Variants in NEGR1 observed in about 807,000 individuals in gnomAD.
NEGR1 encodes the protein neuronal growth regulator 1, also known as IgLON family member 4.
Under a neutral mutation model 40.9 loss-of-function variants are expected in NEGR1, and 10 were observed. The observed-to-expected ratio is 0.24, with a 90% CI of 0.15 to 0.42. The LOEUF (loss-of-function observed/expected upper bound fraction) is 0.42, where lower values mean the gene tolerates loss of function less well. NEGR1 is among the 10% of genes least tolerant of loss of function. The pLI, the probability that NEGR1 is intolerant of heterozygous loss-of-function variation, is 1.00. For synonymous variants in NEGR1, 185 were observed against 166.8 expected (o/e 1.11, Z -0.84); for missense variants, 352 against 438.9 (o/e 0.80, Z 1.77).
intron 1 of NEGR1, among the ~76,000 whole-genome samples, chr1:72,032,832 A>G: frequency 6.6e-6 from 1 of 152,244 alleles, no homozygotes; most frequent in African/African-American, 2.4e-5. Flanking sequence ...CAATTTAGTT[A>G]AATACTTTGA....
In NEGR1 at chr1:71,688,403, T is replaced by TATAA. The variant is rs1557613864; in HGVS notation, c.667+9604_667+9605insTTAT. Among the ~76,000 whole-genome samples the TATAA allele has an allele frequency of 2.4e-3, 71 of 30,118 alleles. 10 individuals carry two copies. The highest frequency in any genetic ancestry group is 7.8e-3 in the Admixed American group (12 of 1,546). 19.8% of individuals were successfully genotyped at this position (30,118 alleles called of 152,430 possible). On this transcript the variant is annotated intron_variant, in intron 4 of 6. Coordinates refer to ENST00000357731, the MANE Select transcript of NEGR1 (RefSeq NM_173808.3). ...ATAAAAGATATATAAAATATATATA[T>TATAA]AAGATATATATAAAAGATATATATA...
At chr1:71,699,508 T>C (rs530137280) in intron 3 of NEGR1, among the ~76,000 whole-genome samples, 1 of 152,032 alleles carries the variant, frequency 6.6e-6, no homozygotes, top group South Asian at 2.1e-4. Flanking sequence ...ATAACGAAGA[T>C]ACTCTAGGCT....
At chr1:71,418,549 T>G (rs1242317559) in intron 6 of NEGR1, among the ~76,000 whole-genome samples, 1 of 152,112 alleles carries the variant, frequency 6.6e-6, no homozygotes, top group Non-Finnish European at 1.5e-5. Context: ...GCCTTTTAGC[T>G]CCTTGGGTTT....
At chr1:71,422,093 A>T (rs1335142890) in intron 6 of NEGR1, among the ~76,000 whole-genome samples, 1 of 152,192 alleles carries the variant, frequency 6.6e-6, no homozygotes, top group Admixed American at 6.5e-5. Flanking sequence ...AAGTTTAAGC[A>T]TTGTGGCAGC....
chr1:71,816,948 T>C (rs944399033), intron 2 of NEGR1, among the ~76,000 whole-genome samples: 23 of 5,076 alleles, frequency 4.5e-3, no homozygotes, highest in African/African-American at 0.022. Flanking sequence ...TATCTCTTAC[T>C]AGAAAAAAAA....
At chr1:71,437,644 T>C (rs1360407306) in intron 6 of NEGR1, among the ~76,000 whole-genome samples, 3 of 152,196 alleles carry the variant, frequency 2.0e-5, no homozygotes, top group African/African-American at 7.2e-5. Flanking sequence ...TCTATGTATT[T>C]ATATTCTTTA....
chr1:71,734,344 A>G (rs1416895831), intron 3 of NEGR1, among the ~76,000 whole-genome samples: 3 of 152,176 alleles, frequency 2.0e-5, no homozygotes, highest in Non-Finnish European at 4.4e-5. Flanking sequence ...ACTCTTAAGC[A>G]AGCTTCAGTC....
chr1:71,409,061 C>A (rs189012153), intron 6 of NEGR1: 1 of 151,782 alleles, frequency 6.6e-6, no homozygotes, highest in African/African-American at 2.4e-5. Flanking sequence ...AAACAAAGAG[C>A]AAAATTAACT....
chr1:71,869,813 G>A (rs986431122), intron 2 of NEGR1, among the ~76,000 whole-genome samples: 15 of 151,412 alleles, frequency 9.9e-5, no homozygotes, highest in African/African-American at 3.4e-4. Context: ...GATGATCTGT[G>A]ATATTTAACA....
intron 1 of NEGR1, among the ~76,000 whole-genome samples, chr1:72,200,172 T>C (rs1173452484): frequency 6.6e-6 from 1 of 151,978 alleles, no homozygotes; most frequent in East Asian, 1.9e-4. Context: ...CTATTGGGTA[T>C]TTATGCAAAG....
intron 4 of NEGR1, among the ~76,000 whole-genome samples, chr1:71,654,138 T>C (rs2101584777): frequency 6.6e-6 from 1 of 152,250 alleles, no homozygotes; most frequent in Non-Finnish European, 1.5e-5. Flanking sequence ...TAAGAACTTC[T>C]GGAAAAGGAT....
chr1:71,979,954 A>C (rs1323854670), intron 1 of NEGR1, among the ~76,000 whole-genome samples: 2 of 152,186 alleles, frequency 1.3e-5, no homozygotes, highest in African/African-American at 2.4e-5. Flanking sequence ...AAAACATTAT[A>C]GTGATAGTGA....
intron 6 of NEGR1, among the ~76,000 whole-genome samples, chr1:71,513,623 A>G (rs1041075139): frequency 7.2e-5 from 11 of 152,186 alleles, no homozygotes; most frequent in Non-Finnish European, 1.0e-4. Flanking sequence ...CCTATTAGGT[A>G]TATGTTTTCA....
At chr1:71,621,630 G>T (rs1650611682) in intron 4 of NEGR1, among the ~76,000 whole-genome samples, 1 of 151,680 alleles carries the variant, frequency 6.6e-6, no homozygotes, top group Non-Finnish European at 1.5e-5. Context: ...AAAATTTTCG[G>T]AGCGCAGAGA....
chr1:71,705,121 A>G (rs1570237113), intron 3 of NEGR1, among the ~76,000 whole-genome samples: 1 of 152,272 alleles, frequency 6.6e-6, no homozygotes, highest in Non-Finnish European at 1.5e-5. Flanking sequence ...TCTGCCAAAG[A>G]CTTCTATGAA....
chr1:71,823,097 T>C (rs937225921), intron 2 of NEGR1, among the ~76,000 whole-genome samples: 1 of 151,912 alleles, frequency 6.6e-6, no homozygotes, highest in African/African-American at 2.4e-5. Flanking sequence ...TATGTAAACA[T>C]GGAAGCTGCC....
At position 71,499,371 on chromosome 1, in the gene NEGR1, A is replaced by G. The variant is rs547867570; in HGVS notation, c.941-91801T>C. Among the ~76,000 whole-genome samples, 4 of 151,090 alleles carry G rather than the reference A, an allele frequency of 2.6e-5. No homozygotes were observed. In the East Asian group the frequency reaches 7.8e-4, roughly 29 times the overall value. ...AGTGCAGAGAAGGCAAAGATGTACC[A>G]TGTGTTCTGCTATTCTCCTTCCTCT... On this transcript the variant is annotated intron_variant, in intron 6 of 6. Coordinates refer to ENST00000357731, the MANE Select transcript of NEGR1 (RefSeq NM_173808.3).
At chr1:72,109,154 G>A (rs576271337) in intron 1 of NEGR1, among the ~76,000 whole-genome samples, 1 of 151,656 alleles carries the variant, frequency 6.6e-6, no homozygotes, top group Non-Finnish European at 1.5e-5. Context: ...CAATATGACA[G>A]TAGCAAGCCT....
chr1:71,605,447 G>A (rs1650048516), intron 5 of NEGR1, among the ~76,000 whole-genome samples: 1 of 152,138 alleles, frequency 6.6e-6, no homozygotes, highest in South Asian at 2.1e-4. Flanking sequence ...TCTAAGACAA[G>A]ACGGTAATAC....
Sources: allele counts gnomAD v4.1 joint callset (sites outside exome capture counted in the v4.1 genomes callset), GRCh38; gene constraint gnomAD v4.1.1; transcripts MANE v1.5; gene names NCBI Gene and HGNC (gene_info 2026-07-23, HGNC 2026-07-21).